Variants in CCN4 observed in about 807,000 individuals in gnomAD.
CCN4 encodes cellular communication network factor 4.
CCN4 carries 30 observed loss-of-function variants against 36.7 expected under a neutral mutation model. The observed-to-expected ratio is 0.82, with a 90% confidence interval of 0.61 to 1.11. CCN4 has a LOEUF of 1.11. Ranked by LOEUF, CCN4 falls within the 50% of genes least tolerant of loss-of-function variation. The probability of loss-of-function intolerance (pLI) is 0.00; values close to 1 mark genes in which losing one functional copy is unlikely to be tolerated. For missense variants in CCN4, 505 were observed against 504.9 expected (o/e 1.00, Z 0.00); for synonymous variants, 191 against 195.4 (o/e 0.98, Z 0.19).
intron 1 of CCN4, among the ~76,000 whole-genome samples, chr8:133,195,351 G>T (rs959173591): frequency 1.3e-5 from 2 of 151,942 alleles, no homozygotes; most frequent in Non-Finnish European, 2.9e-5. Flanking sequence ...GTGTTTGGGT[G>T]TGAGATACAA....
At chr8:133,215,666 C>T (rs1854295136) in intron 2 of CCN4, among the ~76,000 whole-genome samples, 1 of 152,040 alleles carries the variant, frequency 6.6e-6, no homozygotes, top group Non-Finnish European at 1.5e-5. Context: ...CTGCCTTGAC[C>T]CAGTACAGCC....
intron 1 of CCN4, among the ~76,000 whole-genome samples, chr8:133,196,189 G>C (rs1024163156): frequency 6.6e-6 from 1 of 152,270 alleles, no homozygotes; most frequent in Non-Finnish European, 1.5e-5. Context: ...GTGCCCTTTT[G>C]CACACACCTA....
chr8:133,217,144 G>C (rs538746656), intron 2 of CCN4, among the ~76,000 whole-genome samples: 1 of 152,314 alleles, frequency 6.6e-6, no homozygotes, highest in South Asian at 2.1e-4. Flanking sequence ...TATATCTCTG[G>C]GTGGTTAGAA....
intron 4 of CCN4, among the ~76,000 whole-genome samples, chr8:133,226,142 A>T (rs993395410): frequency 6.6e-6 from 1 of 152,244 alleles, no homozygotes; most frequent in African/African-American, 2.4e-5. Context: ...ATTGGGCCAC[A>T]TTAGTTTGAG....
chr8:133,213,362 T>C (rs1439917542), intron 2 of CCN4, among the ~76,000 whole-genome samples: 1 of 152,124 alleles, frequency 6.6e-6, no homozygotes, highest in Non-Finnish European at 1.5e-5. Context: ...CTTCTTGCTT[T>C]ATTCTCAGTC....
At position 133,230,129 on chromosome 8, in the gene CCN4, C is replaced by A. The variant is rs2929971; in HGVS notation, c.*2419C>A. On this transcript the variant is annotated 3_prime_UTR_variant, in exon 5 of 5. Transcript: ENST00000250160. ...CTAGGGATTATTCTGGCAATGGGTG[C>A]AGGAAGGTGGTCAGAATAACCCAGT... 1 of 152,172 alleles carries A rather than the reference C, an allele frequency of 6.6e-6. No individual in the cohort carries two copies. The highest frequency in any genetic ancestry group is 2.4e-5 in the African/African-American group (1 of 41,434). 9.4% of individuals were successfully genotyped at this position (152,172 alleles called of 1,614,324 possible).
intron 1 of CCN4, among the ~76,000 whole-genome samples, chr8:133,192,599 G>A (rs1415804029): frequency 1.3e-5 from 2 of 152,252 alleles, no homozygotes; most frequent in East Asian, 3.9e-4. Context: ...AGCTGACTGT[G>A]TCCTACAGGA....
intron 3 of CCN4, among the ~76,000 whole-genome samples, chr8:133,223,187 C>T (rs1209604648): frequency 3.3e-5 from 5 of 152,120 alleles, no homozygotes; most frequent in African/African-American, 1.2e-4. Flanking sequence ...CACCACCTCC[C>T]CAGGAGGGCC....
chr8:133,203,384 G>A (rs1330159423), intron 1 of CCN4, among the ~76,000 whole-genome samples: 2 of 152,170 alleles, frequency 1.3e-5, no homozygotes, highest in East Asian at 3.9e-4. Flanking sequence ...GTGGAGGGAA[G>A]AACAAATGAA....
At chr8:133,215,952 C>A (rs892232523) in intron 2 of CCN4, among the ~76,000 whole-genome samples, 1 of 151,830 alleles carries the variant, frequency 6.6e-6, no homozygotes, top group African/African-American at 2.4e-5. Context: ...TAAATTTTTT[C>A]AGTCAGATAG....
At chr8:133,197,496 C>G (rs1022812839) in intron 1 of CCN4, among the ~76,000 whole-genome samples, 1 of 152,138 alleles carries the variant, frequency 6.6e-6, no homozygotes, top group Non-Finnish European at 1.5e-5. Context: ...ATTTCAAACA[C>G]CAGTGACCGA....
chr8:133,227,451 C>A lies in CCN4; in HGVS notation c.845C>A (p.Ser282Tyr). The change falls in exon 5 of 5, where the codon TCC (serine) becomes TAC (tyrosine). Residue 282 changes from serine to tyrosine, a missense_variant. Physicochemically the swap from Ser to Tyr is moderately radical, Grantham distance 144. Transcript: ENST00000250160. ...KCLAVYQPEA[S>Y]MNFTLAGCIS... is the part of the protein sequence containing the mutation. ...CTGGCTGTGTACCAGCCAGAGGCAT[C>A]CATGAACTTCACACTTGCGGGCTGC... is the stretch of plus-strand genomic sequence containing the variant. The A allele has an allele frequency of 6.2e-7, 1 of 1,614,170 alleles. No homozygotes were observed. Among genetic ancestry groups the A allele is most frequent in the Non-Finnish European group, 8.5e-7 (1 of 1,180,024 alleles).
At chr8:133,225,700 C>A in intron 4 of CCN4, 117 bp downstream of exon 4, 2 of 1,047,726 alleles carry the variant, frequency 1.9e-6, no homozygotes, top group South Asian at 2.3e-5. Flanking sequence ...GTTAAGCTCA[C>A]CTGGTAGGTC....
intron 1 of CCN4, among the ~76,000 whole-genome samples, chr8:133,201,939 C>G (rs1206628346): frequency 6.6e-6 from 1 of 152,144 alleles, no homozygotes; most frequent in Non-Finnish European, 1.5e-5. Context: ...ATTATCAAAG[C>G]TGCCGATGCG....
intron 2 of CCN4, among the ~76,000 whole-genome samples, chr8:133,214,602 C>G (rs934713466): frequency 6.6e-6 from 1 of 152,058 alleles, no homozygotes; most frequent in Non-Finnish European, 1.5e-5. Flanking sequence ...CAAGACACCT[C>G]CTTTATGAAA....
chr8:133,206,480 C>G (rs998366633), intron 1 of CCN4, among the ~76,000 whole-genome samples: 8 of 152,202 alleles, frequency 5.3e-5, no homozygotes, highest in African/African-American at 1.9e-4. Context: ...ATGCTTCCCC[C>G]ACTCCTTTTT....
chr8:133,213,932 T>C (rs561877216), intron 2 of CCN4, among the ~76,000 whole-genome samples: 14 of 124,404 alleles, frequency 1.1e-4, no homozygotes, highest in East Asian at 3.5e-4. Flanking sequence ...ATATATACTA[T>C]ATATACACTA....
At chr8:133,202,036 A>G (rs759439278) in intron 1 of CCN4, among the ~76,000 whole-genome samples, 1 of 152,216 alleles carries the variant, frequency 6.6e-6, no homozygotes, top group Non-Finnish European at 1.5e-5. Flanking sequence ...ATTTGTGTAC[A>G]GTATTCAGTG....
rs180946328 is a variant in CCN4 at position 133,196,617 on chromosome 8, G to A, written c.69+5404G>A. On this transcript the variant is annotated intron_variant, in intron 1 of 4. Transcript: ENST00000250160. The stretch of plus-strand genomic sequence containing the variant: ...AGAAATGCCAAGGGTTCTAATCCCA[G>A]TGTCTCCACTTACAGGCTTTGTGCC... Among the ~76,000 whole-genome samples the A allele has an allele frequency of 3.8e-3, 578 of 152,200 alleles. 1 individual carries two copies. The highest frequency in any genetic ancestry group is 5.1e-3 in the Non-Finnish European group (348 of 67,990).
Sources: allele counts gnomAD v4.1 joint callset (sites outside exome capture counted in the v4.1 genomes callset), GRCh38; gene constraint gnomAD v4.1.1; transcripts MANE v1.5; gene names NCBI Gene and HGNC (gene_info 2026-07-23, HGNC 2026-07-21).